The following NAALADL2 variants were observed in gnomAD, a reference collection of about 807,000 sequenced individuals.
The protein encoded by NAALADL2 is N-acetylated alpha-linked acidic dipeptidase like 2.
In NAALADL2, 76 loss-of-function variants were observed where a neutral mutation model predicts 87.2. The observed-to-expected ratio is 0.87, with a 90% CI of 0.72 to 1.05. The LOEUF is 1.05. Among genes scored for constraint, NAALADL2 ranks in the 50% least tolerant of loss-of-function variants. NAALADL2 has a pLI of 0.00. For missense variants in NAALADL2, 1,089 were observed against 945.8 expected (o/e 1.15, Z -1.99); for synonymous variants, 354 against 331.0 (o/e 1.07, Z -0.75).
chr3:175,368,076 A>T (rs1302322827), intron 5 of NAALADL2, among the ~76,000 whole-genome samples: 2 of 152,092 alleles, frequency 1.3e-5, no homozygotes, highest in Admixed American at 6.6e-5. Context: ...GCGTTGTTGA[A>T]TTTTGTCAAA....
chr3:175,064,020 A>G (rs2109098266), intron 1 of NAALADL2, among the ~76,000 whole-genome samples: 1 of 152,228 alleles, frequency 6.6e-6, no homozygotes, highest in South Asian at 2.1e-4. Context: ...TGATGGGTAA[A>G]ACAATGTGAA....
At chr3:175,413,127 G>T (rs555221371) in intron 5 of NAALADL2, among the ~76,000 whole-genome samples, 22 of 144,002 alleles carry the variant, frequency 1.5e-4, no homozygotes, top group Non-Finnish European at 3.4e-4. Context: ...CTGACCTCGT[G>T]ATCTGCCCGC....
At chr3:174,568,827 C>A (rs944166716) in intron 2 of NAALADL2, among the ~76,000 whole-genome samples, 13 of 151,074 alleles carry the variant, frequency 8.6e-5, no homozygotes, top group Non-Finnish European at 1.6e-4. Flanking sequence ...TATTATTATT[C>A]TTTTTTTAAA....
Position 175,187,006 on chromosome 3 carries a change from T to C in NAALADL2, c.546-46925T>C, listed in dbSNP as rs142187029. Among the ~76,000 whole-genome samples the C allele has an allele frequency of 6.6e-5, 10 of 152,300 alleles. No homozygotes were observed. In the East Asian group the frequency reaches 1.9e-3, roughly 29 times the overall value. On this transcript the variant is annotated intron_variant, in intron 2 of 13. Coordinates refer to ENST00000454872, the MANE Select transcript of NAALADL2 (RefSeq NM_207015.3). ...GTTCACTATTTCATTTTCTGTCTTT[T>C]ATTTTATAATAAATAAAATCAAATT...
At chr3:174,697,146 A>T (rs1236730511) in intron 2 of NAALADL2, among the ~76,000 whole-genome samples, 1 of 152,200 alleles carries the variant, frequency 6.6e-6, no homozygotes, top group South Asian at 2.1e-4. Flanking sequence ...AAAATAAAGC[A>T]TCTTGATGAT....
At chr3:174,631,473 C>A (rs1379294987) in intron 2 of NAALADL2, among the ~76,000 whole-genome samples, 2 of 152,120 alleles carry the variant, frequency 1.3e-5, no homozygotes. Context: ...TGCATTCTTC[C>A]CATCAAGTTC....
At chr3:174,739,440 C>T (rs908451844) in intron 3 of NAALADL2, among the ~76,000 whole-genome samples, 7 of 151,962 alleles carry the variant, frequency 4.6e-5, no homozygotes, top group African/African-American at 1.4e-4. Flanking sequence ...TTATAAGGAG[C>T]TAGGATCTCT....
intron 5 of NAALADL2, among the ~76,000 whole-genome samples, chr3:175,405,990 A>G (rs1156390956): frequency 2.0e-5 from 3 of 152,180 alleles, no homozygotes; most frequent in Non-Finnish European, 2.9e-5. Flanking sequence ...AGTGCGGGGA[A>G]CATAGTAAGT....
chr3:175,301,713 C>T (rs1464696216), intron 4 of NAALADL2, among the ~76,000 whole-genome samples: 1 of 152,070 alleles, frequency 6.6e-6, no homozygotes, highest in Non-Finnish European at 1.5e-5. Context: ...TTCTACTGGA[C>T]CAAAATAATC....
At chr3:174,927,145 C>T (rs1026427763) in intron 1 of NAALADL2, among the ~76,000 whole-genome samples, 1 of 151,846 alleles carries the variant, frequency 6.6e-6, no homozygotes, top group Non-Finnish European at 1.5e-5. Context: ...ATCAATTCAA[C>T]AAGAAGAGCT....
rs938773836 is a variant in NAALADL2 at position 175,274,693 on chromosome 3, C to A, written c.939+18163C>A. Among the ~76,000 whole-genome samples the A allele has an allele frequency of 7.2e-5, 11 of 152,164 alleles. No homozygotes were observed. The Middle Eastern group carries it at 0.01, about 142-fold the overall frequency. ...AAGAAAATTACTTCACCTACAAGTTCATTTATTCCTTTGTAAAATTAATAT... is the reference window on the plus strand; with the variant it reads ...AAGAAAATTACTTCACCTACAAGTTAATTTATTCCTTTGTAAAATTAATAT... On this transcript the variant is annotated intron_variant, in intron 4 of 13. Transcript: ENST00000454872.
chr3:174,641,011 G>T (rs1326971038), intron 2 of NAALADL2, among the ~76,000 whole-genome samples: 1 of 152,216 alleles, frequency 6.6e-6, no homozygotes, highest in African/African-American at 2.4e-5. Context: ...TCCAGGCGAG[G>T]ATGGGCGCCC....
At chr3:174,656,246 G>C (rs947413179) in intron 2 of NAALADL2, among the ~76,000 whole-genome samples, 16 of 152,092 alleles carry the variant, frequency 1.1e-4, no homozygotes, top group African/African-American at 3.9e-4. Flanking sequence ...GTTACATTCT[G>C]TTACTAAGAT....
At chr3:174,713,299 A>G (rs1730858744) in intron 2 of NAALADL2, among the ~76,000 whole-genome samples, 1 of 152,222 alleles carries the variant, frequency 6.6e-6, no homozygotes, top group Non-Finnish European at 1.5e-5. Context: ...CATGATTTAT[A>G]GTCCTTTGGG....
At chr3:175,657,397 C>T (rs768106389) in intron 11 of NAALADL2, among the ~76,000 whole-genome samples, 6 of 151,864 alleles carry the variant, frequency 4.0e-5, no homozygotes, top group Non-Finnish European at 7.4e-5. Flanking sequence ...TTTTTATTTT[C>T]GTAAAAATCA....
Position 175,567,288 on chromosome 3 carries a change from G to C in NAALADL2, c.1654-8753G>C, listed in dbSNP as rs575602885. The stretch of plus-strand genomic sequence containing the variant: ...TTGAACTGGTCAGAGAAGAGGAAGA[G>C]GAAATGAAGGTCGGTTGTTGAGGGA... On this transcript the variant is annotated intron_variant, in intron 9 of 13. Coordinates refer to ENST00000454872, the MANE Select transcript of NAALADL2 (RefSeq NM_207015.3). Among the ~76,000 whole-genome samples, 4 of 152,276 alleles carry C rather than the reference G, an allele frequency of 2.6e-5. No individual in the cohort carries two copies. The South Asian group carries it at 8.3e-4, about 32-fold the overall frequency.
chr3:175,377,385 A>G (rs1484598948), intron 5 of NAALADL2, among the ~76,000 whole-genome samples: 2 of 152,148 alleles, frequency 1.3e-5, no homozygotes, highest in Admixed American at 1.3e-4. Context: ...TGATATTATC[A>G]GTTTTTTTTA....
intron 1 of NAALADL2, among the ~76,000 whole-genome samples, chr3:174,542,652 G>C (rs932894391): frequency 6.6e-6 from 1 of 152,132 alleles, no homozygotes; most frequent in Non-Finnish European, 1.5e-5. Flanking sequence ...CCAGAAAGTT[G>C]GGGTCAATTC....
chr3:174,834,356 AG>A (rs1361571672), intron 3 of NAALADL2, among the ~76,000 whole-genome samples: 1 of 146,268 alleles, frequency 6.8e-6, no homozygotes, highest in Non-Finnish European at 1.5e-5. Flanking sequence ...ATCATACCTA[AG>A]GGTAAAAACT....
Sources: allele counts gnomAD v4.1 joint callset (sites outside exome capture counted in the v4.1 genomes callset), GRCh38; gene constraint gnomAD v4.1.1; transcripts MANE v1.5; gene names NCBI Gene and HGNC (gene_info 2026-07-23, HGNC 2026-07-21).